Variants in OSBP2 observed in about 807,000 individuals in gnomAD.
OSBP2 encodes oxysterol binding protein 2, also known as oxysterol-binding protein 2.
A neutral mutation model predicts 96.0 loss-of-function variants in OSBP2; 66 were observed. The observed-to-expected ratio is 0.69, with a 90% CI of 0.56 to 0.84. The LOEUF (loss-of-function observed/expected upper bound fraction) is 0.84. OSBP2 is among the 40% of genes least tolerant of loss of function. The probability of loss-of-function intolerance (pLI) is 0.00; values close to 1 mark genes in which losing one functional copy is unlikely to be tolerated. For synonymous variants in OSBP2, 525 were observed against 520.9 expected, an observed-to-expected ratio of 1.01 and a Z score of -0.11; for missense variants, 1,038 against 1,222.7, an observed-to-expected ratio of 0.85 and a Z score of 2.25.
intron 2 of OSBP2, chr22:30,770,708 A>T (rs1693047596): frequency 6.6e-6 from 1 of 152,060 alleles, no homozygotes; most frequent in African/African-American, 2.4e-5. Context: ...TCTCTCTGAC[A>T]CCCCCATTTC....
At chr22:30,822,420 G>GGGCTC in intron 2 of OSBP2, 4 of 961,166 alleles carry the variant, frequency 4.2e-6, no homozygotes, top group Non-Finnish European at 5.5e-6. Flanking sequence ...CGCTCAGGCT[G>GGGCTC]GGCTCGGCTC....
At chr22:30,725,507 C>T (rs1391724618) in intron 1 of OSBP2, among the ~76,000 whole-genome samples, 2 of 150,128 alleles carry the variant, frequency 1.3e-5, no homozygotes, top group Non-Finnish European at 3.0e-5. Flanking sequence ...TGAGACTCTT[C>T]AGCCCCCTCC....
intron 1 of OSBP2, among the ~76,000 whole-genome samples, chr22:30,709,873 T>A (rs1209799780): frequency 6.6e-6 from 1 of 151,628 alleles, no homozygotes; most frequent in Non-Finnish European, 1.5e-5. Context: ...TCCTCATTTA[T>A]TGGCAGGGAT....
At chr22:30,770,248 T>C (rs902117713) in intron 2 of OSBP2, among the ~76,000 whole-genome samples, 17 of 152,002 alleles carry the variant, frequency 1.1e-4, no homozygotes, top group African/African-American at 4.1e-4. Flanking sequence ...TACAGGTGTG[T>C]GCCACCATGC....
rs371148157 is a variant in OSBP2 at position 30,695,284 on chromosome 22, G to A, written c.375G>A (p.Glu125=). ...GAGPFTKAAS[E]PLSRAVGSAT... ...GGCCCTTCACTAAGGCCGCATCGGA[G>A]CCGCTCTCCCGGGCGGTGGGGAGCG... The change falls in exon 1 of 14, where the codon GAG becomes GAA. Residue 125 remains glutamate (E), a synonymous_variant. Transcript: ENST00000332585. 11 of 1,613,306 alleles carry A rather than the reference G, an allele frequency of 6.8e-6. No individual in the cohort carries two copies. The highest frequency in any genetic ancestry group is 9.3e-6 in the Non-Finnish European group (11 of 1,180,028).
intron 12 of OSBP2, among the ~76,000 whole-genome samples, chr22:30,895,601 A>G (rs930437780): frequency 6.6e-6 from 1 of 152,146 alleles, no homozygotes; most frequent in Admixed American, 6.5e-5. Context: ...CCATATCCTT[A>G]GGCACGCAGC....
At chr22:30,721,611 G>T (rs2089554029) in intron 1 of OSBP2, among the ~76,000 whole-genome samples, 1 of 152,228 alleles carries the variant, frequency 6.6e-6, no homozygotes, top group Admixed American at 6.5e-5. Context: ...AGTGAAGCTT[G>T]ATGGGAGTCG....
intron 2 of OSBP2, among the ~76,000 whole-genome samples, chr22:30,858,135 G>A: frequency 1.1e-5 from 1 of 87,854 alleles, no homozygotes; most frequent in East Asian, 4.0e-4. Context: ...TTTTTTGTTT[G>A]TTTGTTTGTT....
At chr22:30,889,097 T>A in intron 5 of OSBP2, 80 bp from the exon 6 acceptor site, 1 of 1,236,578 alleles carries the variant, frequency 8.1e-7, no homozygotes, top group Non-Finnish European at 1.1e-6. Flanking sequence ...GAAAATGATG[T>A]TGTCTGGAGA....
At chr22:30,814,527 G>T (rs544899448) in intron 2 of OSBP2, among the ~76,000 whole-genome samples, 2 of 151,698 alleles carry the variant, frequency 1.3e-5, no homozygotes, top group African/African-American at 4.8e-5. Context: ...CGCCTCCCGG[G>T]TTCAAGTGAT....
rs398040482 is a variant in OSBP2, at chr22:30,865,631, C to CAAA, written c.854-4775_854-4773dup. Among the ~76,000 whole-genome samples, 432 of 59,804 alleles carry CAAA rather than the reference C, an allele frequency of 7.2e-3. 21 individuals are homozygous for CAAA. Among genetic ancestry groups the CAAA allele is most frequent in the African/African-American group, 0.031 (363 of 11,582 alleles). 39.2% of individuals were successfully genotyped at this position (59,804 alleles called of 152,430 possible). On this transcript the variant is annotated intron_variant, in intron 2 of 13. Coordinates refer to ENST00000332585, the MANE Select transcript of OSBP2 (RefSeq NM_030758.4). ...TGGGTGACAAAGCAAGACTCCATCT[C>CAAA]AAAAAAAAAAAAAAAAAAAAAAAAA...
At chr22:30,883,020 A>G (rs143900357) in intron 3 of OSBP2, among the ~76,000 whole-genome samples, 3,350 of 152,318 alleles carry the variant, frequency 0.022, 78 homozygotes, top group Non-Finnish European at 0.032. Flanking sequence ...CTTGTAAATG[A>G]CATGAGGTAT....
intron 1 of OSBP2, among the ~76,000 whole-genome samples, chr22:30,725,569 AC>A (rs1297985246): frequency 2.6e-5 from 4 of 151,900 alleles, no homozygotes; most frequent in Non-Finnish European, 5.9e-5. Flanking sequence ...CACAAAAAAA[AC>A]AAATTCTAGT....
chr22:30,698,902 CT>C (rs1424423677), intron 1 of OSBP2, among the ~76,000 whole-genome samples: 5 of 152,142 alleles, frequency 3.3e-5, no homozygotes, highest in African/African-American at 9.6e-5. Context: ...TTAATTTTAT[CT>C]CATCTAGGTG....
In OSBP2 at chr22:30,870,459, C is replaced by G; in HGVS notation, c.884C>G (p.Thr295Ser). ...TCTGGGGACGACGACGAGGCTACCA[C>G]CCCAGCCGACAAGAGCGAGCTGCAC... ...DDSGDDDEAT[T>S]PADKSELHHT... The change falls in exon 3 of 14, where the codon ACC (threonine) becomes AGC (serine). Residue 295 changes from threonine (T) to serine (S), a missense_variant. By Grantham distance (58) the Thr-to-Ser change is moderately conservative. This residue lies in a region of OSBP2 where 737 missense variants were observed against 913.3 expected (regional missense o/e 0.81). Coordinates refer to ENST00000332585, the MANE Select transcript of OSBP2 (RefSeq NM_030758.4). The surrounding 1 kb of genome is among the most constrained non-coding windows in gnomAD (Gnocchi z 4.1). 6.2e-7 allele frequency: 1 copy of G among 1,614,040 alleles called. No homozygotes were observed. Among genetic ancestry groups the G allele is most frequent in the African/African-American group, 1.3e-5 (1 of 75,052 alleles).
chr22:30,799,585 C>T (rs1461963343), intron 2 of OSBP2, among the ~76,000 whole-genome samples: 1 of 152,242 alleles, frequency 6.6e-6, no homozygotes, highest in Non-Finnish European at 1.5e-5. Context: ...AAAGTACATC[C>T]TAGGCCTGAC....
intron 2 of OSBP2, among the ~76,000 whole-genome samples, chr22:30,837,092 A>G (rs1364526841): frequency 6.6e-6 from 1 of 151,926 alleles, no homozygotes; most frequent in Non-Finnish European, 1.5e-5. Context: ...CTCTACAACA[A>G]CAACAACTAA....
chr22:30,841,929 G>T (rs549313232), intron 2 of OSBP2, among the ~76,000 whole-genome samples: 2 of 152,144 alleles, frequency 1.3e-5, no homozygotes, highest in African/African-American at 2.4e-5. Context: ...CTGGGTAATA[G>T]GGTGAGACTC....
intron 2 of OSBP2, among the ~76,000 whole-genome samples, chr22:30,807,544 C>T (rs980506208): frequency 2.9e-4 from 44 of 152,302 alleles, no homozygotes; most frequent in African/African-American, 9.6e-4. Flanking sequence ...ATGCCACAGC[C>T]GGGCCTGGAA....
Sources: allele counts gnomAD v4.1 joint callset (sites outside exome capture counted in the v4.1 genomes callset), GRCh38; gene constraint gnomAD v4.1.1; regional missense constraint gnomAD v4.1.1; non-coding constraint Gnocchi (gnomAD v3.1); transcripts MANE v1.5; gene names NCBI Gene and HGNC (gene_info 2026-07-23, HGNC 2026-07-21).